WDPCP: variants seen among roughly 807,000 people sequenced by gnomAD.
The protein encoded by WDPCP is WD repeat containing planar cell polarity effector.
In WDPCP, 71 loss-of-function variants were observed where a neutral mutation model predicts 93.1. The ratio of observed to expected loss-of-function variants is 0.76; its 90% CI spans 0.63 to 0.93. The LOEUF (loss-of-function observed/expected upper bound fraction) is 0.93. Among genes scored for constraint, WDPCP ranks in the 40% least tolerant of loss-of-function variants. WDPCP has a pLI of 0.00. For synonymous variants in WDPCP, 315 were observed against 315.0 expected (o/e 1.00, Z 0.00); for missense variants, 844 against 887.4 (o/e 0.95, Z 0.62).
At chr2:63,536,227 G>A (rs1385174259) in intron 1 of WDPCP, among the ~76,000 whole-genome samples, 3 of 152,178 alleles carry the variant, frequency 2.0e-5, no homozygotes, top group Admixed American at 2.0e-4. Flanking sequence ...GTCTTGGAGA[G>A]GCTGTGGAGA....
chr2:63,664,324 C>T (rs1490794354), intron 2 of WDPCP, among the ~76,000 whole-genome samples: 1 of 152,174 alleles, frequency 6.6e-6, no homozygotes, highest in African/African-American at 2.4e-5. Context: ...AGATTAGAGA[C>T]TATATGACAA....
Position 63,484,932 on chromosome 2 carries a change from C to T in WDPCP, c.309G>A (p.Ser103=), listed in dbSNP as rs758983279. 2.5e-5 allele frequency: 40 copies of T among 1,612,302 alleles called. No homozygotes were observed. The East Asian group carries it at 6.5e-4, about 26-fold the overall frequency. ...KNRRPEKLRD[S]LKELEELMQN... Reference sequence around the variant, plus strand: ...TGAAAGATACCTCCAACTCTTTGAGCGAGTCTCGGAGTTTTTCTGGGCGTC... The same window carrying T: ...TGAAAGATACCTCCAACTCTTTGAGTGAGTCTCGGAGTTTTTCTGGGCGTC... Residue 103 remains serine, a synonymous_variant, in exon 5 of 18, where the codon TCG becomes TCA. Coordinates refer to ENST00000272321, the MANE Select transcript of WDPCP (RefSeq NM_015910.7).
upstream of WDPCP, among the ~76,000 whole-genome samples, chr2:63,831,041 C>T (rs1671185196): frequency 6.6e-6 from 1 of 152,084 alleles, no homozygotes; most frequent in South Asian, 2.1e-4. Context: ...TCTCCTTCAC[C>T]CTTTACCACT....
At chr2:63,717,171 A>G in intron 2 of WDPCP, 2 of 432,224 alleles carry the variant, frequency 4.6e-6, no homozygotes, top group South Asian at 1.9e-5. Context: ...TGAAGAATGC[A>G]TCTTTTTGTA....
chr2:63,462,136 G>A (rs1699057175), intron 6 of WDPCP, among the ~76,000 whole-genome samples: 1 of 152,216 alleles, frequency 6.6e-6, no homozygotes, highest in Non-Finnish European at 1.5e-5. Context: ...TTAAGAAAAT[G>A]TGGCACATAT....
At chr2:63,563,946 A>G (rs535629190) in intron 1 of WDPCP, among the ~76,000 whole-genome samples, 27 of 152,338 alleles carry the variant, frequency 1.8e-4, no homozygotes, top group African/African-American at 6.5e-4. Context: ...CGATGGTGGC[A>G]AACTTTTGAG....
chr2:63,490,957 T>A (rs914976379), intron 2 of WDPCP, among the ~76,000 whole-genome samples: 1 of 152,194 alleles, frequency 6.6e-6, no homozygotes. Context: ...GGGAATAATA[T>A]GAAAAATGGG....
intron 12 of WDPCP, among the ~76,000 whole-genome samples, chr2:63,331,658 T>C (rs1687987751): frequency 6.6e-6 from 1 of 152,194 alleles, no homozygotes; most frequent in Admixed American, 6.5e-5. Context: ...CCATGTGCTA[T>C]TTTGCAGCAA....
intron 1 of WDPCP, among the ~76,000 whole-genome samples, chr2:63,814,080 T>A (rs1007831944): frequency 1.3e-5 from 2 of 152,210 alleles, no homozygotes; most frequent in Non-Finnish European, 1.5e-5. Context: ...GGTGGATGTA[T>A]ACCTGGAACA....
At chr2:63,130,871 G>C (rs1670245197) in intron 17 of WDPCP, among the ~76,000 whole-genome samples, 1 of 151,966 alleles carries the variant, frequency 6.6e-6, no homozygotes, top group Non-Finnish European at 1.5e-5. Context: ...ATATATTTAA[G>C]AGTTCTGATG....
In WDPCP at chr2:63,485,003, T is replaced by A. The variant is rs373967536; in HGVS notation, c.254-16A>T. On this transcript the variant is annotated splice_polypyrimidine_tract_variant and intron_variant, in intron 4 of 17. Transcript: ENST00000272321. ...TAATCTCGTGCTGGCAAATAAAACA[T>A]GTACTACAGTTAGTTAAACAAGATT... 4 of 1,612,014 alleles carry A rather than the reference T, an allele frequency of 2.5e-6. No individual in the cohort carries two copies. Among genetic ancestry groups the A allele is most frequent in the Non-Finnish European group, 3.4e-6 (4 of 1,178,722 alleles).
chr2:63,423,688 G>A (rs1161796258), intron 9 of WDPCP, among the ~76,000 whole-genome samples: 2 of 152,160 alleles, frequency 1.3e-5, no homozygotes, highest in African/African-American at 4.8e-5. Context: ...TTGCCATCAC[G>A]TGATTGATAC....
At chr2:63,208,597 T>C (rs191620792) in intron 14 of WDPCP, among the ~76,000 whole-genome samples, 1 of 152,328 alleles carries the variant, frequency 6.6e-6, no homozygotes, top group African/African-American at 2.4e-5. Flanking sequence ...AGCACCTCCA[T>C]ACTTTCTACA....
chr2:63,795,525 G>A (rs1558912599), intron 2 of WDPCP, among the ~76,000 whole-genome samples: 3 of 143,052 alleles, frequency 2.1e-5, no homozygotes, highest in African/African-American at 2.6e-5. Context: ...GAAAGAAAGA[G>A]AGAAAGAGAA....
intron 1 of WDPCP, among the ~76,000 whole-genome samples, chr2:63,539,795 T>C (rs1487944018): frequency 6.6e-6 from 1 of 152,254 alleles, no homozygotes; most frequent in Non-Finnish European, 1.5e-5. Context: ...CTATAGATAA[T>C]CACAGAATGT....
At chr2:63,596,155 T>C (rs1171143556) in intron 3 of WDPCP, among the ~76,000 whole-genome samples, 2 of 152,234 alleles carry the variant, frequency 1.3e-5, no homozygotes, top group African/African-American at 4.8e-5. Flanking sequence ...TTTATTAAAA[T>C]ATTCTAAATT....
chr2:63,483,378 T>G (rs887389660), intron 6 of WDPCP, among the ~76,000 whole-genome samples: 2 of 151,980 alleles, frequency 1.3e-5, no homozygotes, highest in African/African-American at 4.8e-5. Context: ...AATGCCATCC[T>G]TTTTAATAGT....
At chr2:63,812,425 C>A (rs1670876812) in intron 2 of WDPCP, among the ~76,000 whole-genome samples, 1 of 152,138 alleles carries the variant, frequency 6.6e-6, no homozygotes, top group Non-Finnish European at 1.5e-5. Context: ...TAAATATATA[C>A]CCACTAACGG....
chr2:63,391,429 A>G (rs1444954328), intron 10 of WDPCP, among the ~76,000 whole-genome samples: 1 of 152,224 alleles, frequency 6.6e-6, no homozygotes, highest in Non-Finnish European at 1.5e-5. Context: ...ACCCACAGCC[A>G]ATATCATACT....
Sources: gnomAD v4.1 joint callset for allele counts (sites outside exome capture counted in the v4.1 genomes callset) on GRCh38, gnomAD v4.1.1 for gene constraint, MANE v1.5 for transcripts, NCBI Gene and HGNC (gene_info 2026-07-23, HGNC 2026-07-21) for gene names.